Variants in LIN7C observed in about 807,000 individuals in gnomAD.
The protein encoded by LIN7C is lin-7 cell polarity scaffold C.
A neutral mutation model predicts 24.7 loss-of-function variants in LIN7C; 17 were observed. The ratio of observed to expected loss-of-function variants is 0.69; its 90% CI spans 0.47 to 1.03. The LOEUF is 1.03. Among genes scored for constraint, LIN7C ranks in the 50% least tolerant of loss-of-function variants. LIN7C has a pLI of 0.00. For synonymous variants in LIN7C, 90 were observed against 83.4 expected (o/e 1.08, Z -0.43); for missense variants, 204 against 239.0 (o/e 0.85, Z 0.97).
chr11:27,499,296 C>T lies in LIN7C; in HGVS notation c.438+63G>A, dbSNP rs541958728. On this transcript the variant is annotated intron_variant, in intron 4 of 4. Coordinates refer to ENST00000278193, the MANE Select transcript of LIN7C (RefSeq NM_018362.4). ...CAAGTTTCTTAGGTTTCTCCTATTA[C>T]TCAAATACGCCCCCAGGTGGTCACA... 5.0e-6 allele frequency: 7 copies of T among 1,391,106 alleles called. No homozygotes were observed. In the African/African-American group the frequency reaches 8.6e-5, roughly 17 times the overall value. The allele number at this position is 1,391,106 out of a possible 1,614,324, so 86.2% of individuals were successfully genotyped here.
At position 27,497,223 on chromosome 11, in the gene LIN7C, T is replaced by C. The variant is rs1865180647; in HGVS notation, c.*1426A>G. ...GATCACAAACATGCAGAAAAAAGCA[T>C]ACAATTCTATTCTTCCTGAAGGAAT... On this transcript the variant is annotated 3_prime_UTR_variant, in exon 5 of 5. Transcript: ENST00000278193. The C allele has an allele frequency of 6.6e-6, 1 of 152,592 alleles. No individual in the cohort carries two copies. Among genetic ancestry groups the C allele is most frequent in the African/African-American group, 2.4e-5 (1 of 41,474 alleles). 9.5% of individuals were successfully genotyped at this position (152,592 alleles called of 1,614,324 possible).
rs1393707713 is a variant in LIN7C at position 27,499,446 on chromosome 11, G to C, written c.351C>G (p.Ile117Met). Residue 117 changes from isoleucine (I) to methionine (M), a missense_variant, in exon 4 of 5, where the codon ATC becomes ATG. By Grantham distance (10) the Ile-to-Met change is conservative (BLOSUM62 1). Coordinates refer to ENST00000278193, the MANE Select transcript of LIN7C (RefSeq NM_018362.4). ...IMGGKEQNSP[I>M]YISRIIPGGI... Reference sequence around the variant, plus strand: ...CACCTGGAATTATTCGGGATATATAGATTGGAGAGTTTTGTTCTTTGCCTC... The same window carrying C: ...CACCTGGAATTATTCGGGATATATACATTGGAGAGTTTTGTTCTTTGCCTC... 1 of 1,614,004 alleles carries C rather than the reference G, an allele frequency of 6.2e-7. No homozygotes were observed. Among genetic ancestry groups the C allele is most frequent in the Non-Finnish European group, 8.5e-7 (1 of 1,179,998 alleles).
intron 1 of LIN7C, among the ~76,000 whole-genome samples, chr11:27,506,060 T>G (rs1050305547): frequency 6.6e-6 from 1 of 152,228 alleles, no homozygotes; most frequent in East Asian, 1.9e-4. Flanking sequence ...GCCAACCAGT[T>G]TGCAATTGTA....
chr11:27,502,747 A>G (rs760073396), intron 1 of LIN7C, among the ~76,000 whole-genome samples: 11 of 152,210 alleles, frequency 7.2e-5, no homozygotes, highest in Non-Finnish European at 2.9e-5. Context: ...TCAGTTAACA[A>G]CTGAACCACA....
At chr11:27,501,402 C>T (rs1865224644) in intron 3 of LIN7C, 93 bp downstream of exon 3, 1 of 801,978 alleles carries the variant, frequency 1.2e-6, no homozygotes, top group East Asian at 2.7e-5. Flanking sequence ...ACATGTTAGT[C>T]TTCAAAGTAA....
chr11:27,502,983 C>T (rs1411621520), intron 1 of LIN7C, among the ~76,000 whole-genome samples: 10 of 152,046 alleles, frequency 6.6e-5, no homozygotes, highest in Admixed American at 2.0e-4. Context: ...GGCATGGTGG[C>T]GGGTGCCTGT....
At position 27,506,720 on chromosome 11, in the gene LIN7C, C is replaced by A. The variant is rs769865332; in HGVS notation, c.33G>T (p.Glu11Asp). The A allele has an allele frequency of 2.5e-6, 4 of 1,614,098 alleles. No homozygotes were observed. Among genetic ancestry groups the A allele is most frequent in the Non-Finnish European group, 2.5e-6 (3 of 1,180,024 alleles). ...CCGAGCCTCGGCTGCACTCACCTCT[C>A]TCCAGCCGCACGGGTTCCCCTAGCG... MAALGEPVRL[E>D]RDICRAIELL... The change falls in exon 1 of 5, where the codon GAG becomes GAT. Residue 11 changes from glutamate (E) to aspartate (D), a missense_variant. Coordinates refer to ENST00000278193, the MANE Select transcript of LIN7C (RefSeq NM_018362.4).
In LIN7C at chr11:27,498,549, G is replaced by T; in HGVS notation, c.*100C>A. On this transcript the variant is annotated 3_prime_UTR_variant, in exon 5 of 5. Transcript: ENST00000278193. Reference sequence around the variant, plus strand: ...ACAAGGAGAATTTCATGATAAATTTGTTTGTTTTCTTACAATCATTGGCAT... The same window carrying T: ...ACAAGGAGAATTTCATGATAAATTTTTTTGTTTTCTTACAATCATTGGCAT... The T allele has an allele frequency of 9.3e-7, 1 of 1,079,228 alleles. No individual in the cohort carries two copies. The highest frequency in any genetic ancestry group is 1.4e-6 in the Non-Finnish European group (1 of 739,186). The allele number at this position is 1,079,228 out of a possible 1,614,324, so 66.9% of individuals were successfully genotyped here.
chr11:27,500,972 T>C (rs1403566577), intron 3 of LIN7C, among the ~76,000 whole-genome samples: 1 of 152,142 alleles, frequency 6.6e-6, no homozygotes, highest in African/African-American at 2.4e-5. Context: ...CTATCATGAA[T>C]AGTGAGGTCA....
intron 4 of LIN7C, among the ~76,000 whole-genome samples, chr11:27,499,094 G>T (rs988549676): frequency 8.5e-5 from 13 of 152,174 alleles, no homozygotes; most frequent in African/African-American, 3.1e-4. Flanking sequence ...CATTTTATAA[G>T]AGTAAAATGA....
In LIN7C at chr11:27,494,933, C is replaced by G. The variant is rs1303579192; in HGVS notation, c.*3716G>C. The G allele has an allele frequency of 6.6e-6, 1 of 152,550 alleles. No individual in the cohort carries two copies. The highest frequency in any genetic ancestry group is 1.5e-5 in the Non-Finnish European group (1 of 68,042). The allele number at this position is 152,550 out of a possible 1,614,324, so 9.4% of individuals were successfully genotyped here. ...TACATTTATTCAGGAAATACAATTA[C>G]TAGAATCCTTGATATTTCAATGATC... On this transcript the variant is annotated 3_prime_UTR_variant, in exon 5 of 5. Coordinates refer to ENST00000278193, the MANE Select transcript of LIN7C (RefSeq NM_018362.4).
At position 27,499,488 on chromosome 11, in the gene LIN7C, A is replaced by G. The variant is rs1337269632; in HGVS notation, c.309T>C (p.Leu103=). Residue 103 remains leucine (L), a synonymous_variant, in exon 4 of 5, where the codon CTT becomes CTC. Transcript: ENST00000278193. ...CTTTGCCTCCCATAATATTGAATCC[A>G]AGGCCCTCTTCTGTTTTTGGTAGCT... ...VVELPKTEEG[L]GFNIMGGKEQ... 1.2e-6 allele frequency: 2 copies of G among 1,614,092 alleles called. No individual in the cohort carries two copies. The highest frequency in any genetic ancestry group is 2.2e-5 in the East Asian group (1 of 44,892).
rs1466536573 is a variant in LIN7C at position 27,498,536 on chromosome 11, T to G, written c.*113A>C. 3 of 974,142 alleles carry G rather than the reference T, an allele frequency of 3.1e-6. No individual in the cohort carries two copies. The highest frequency in any genetic ancestry group is 4.6e-6 in the Non-Finnish European group (3 of 649,052). The allele number at this position is 974,142 out of a possible 1,614,324, so 60.3% of individuals were successfully genotyped here. The stretch of plus-strand genomic sequence containing the variant: ...CATTTATAAAATGACAAGGAGAATT[T>G]CATGATAAATTTGTTTGTTTTCTTA... On this transcript the variant is annotated 3_prime_UTR_variant, in exon 5 of 5. Coordinates refer to ENST00000278193, the MANE Select transcript of LIN7C (RefSeq NM_018362.4).
intron 1 of LIN7C, 140 bp from the exon 2 acceptor site, chr11:27,502,060 A>ATG (rs3215008): frequency 0.051 from 30,470 of 595,714 alleles, 2,156 homozygotes; most frequent in East Asian, 0.25. Context: ...GAATTTGCAC[A>ATG]TTTGGTGGGA....
intron 3 of LIN7C, among the ~76,000 whole-genome samples, chr11:27,500,328 TA>T (rs1865212287): frequency 6.6e-6 from 1 of 152,208 alleles, no homozygotes; most frequent in South Asian, 2.1e-4. Flanking sequence ...CCCTTATATG[TA>T]ATCATTTTGG....
intron 3 of LIN7C, among the ~76,000 whole-genome samples, chr11:27,500,196 G>A (rs6484307): frequency 0.26 from 39,505 of 151,944 alleles, 5,603 homozygotes; most frequent in African/African-American, 0.37. Flanking sequence ...TATTGTACAT[G>A]GTAAGGAGGA....
intron 1 of LIN7C, among the ~76,000 whole-genome samples, chr11:27,505,493 C>G (rs969426482): frequency 2.0e-5 from 3 of 152,192 alleles, no homozygotes; most frequent in African/African-American, 7.2e-5. Flanking sequence ...AGGCCTAACT[C>G]GGCAAGTCTT....
chr11:27,506,625 C>T, intron 1 of LIN7C, 91 bp downstream of exon 1: 10 of 1,457,894 alleles, frequency 6.9e-6, no homozygotes, highest in Non-Finnish European at 8.6e-6. Context: ...TGGCCCGGAT[C>T]TCAGAGCCTG....
chr11:27,498,525 C>T lies in LIN7C; in HGVS notation c.*124G>A. On this transcript the variant is annotated 3_prime_UTR_variant, in exon 5 of 5. Coordinates refer to ENST00000278193, the MANE Select transcript of LIN7C (RefSeq NM_018362.4). ...GTTAAAATAGGCATTTATAAAATGACAAGGAGAATTTCATGATAAATTTGT... is the reference window on the plus strand; with the variant it reads ...GTTAAAATAGGCATTTATAAAATGATAAGGAGAATTTCATGATAAATTTGT... The T allele has an allele frequency of 1.1e-6, 1 of 891,230 alleles. No homozygotes were observed. Among genetic ancestry groups the T allele is most frequent in the Non-Finnish European group, 1.7e-6 (1 of 580,494 alleles). 55.2% of individuals were successfully genotyped at this position (891,230 alleles called of 1,614,324 possible). A position where few individuals can be genotyped will look rare whatever the true frequency, so the allele number is the denominator to read the frequency against.
Sources: allele counts gnomAD v4.1 joint callset (sites outside exome capture counted in the v4.1 genomes callset), GRCh38; gene constraint gnomAD v4.1.1; transcripts MANE v1.5; gene names NCBI Gene and HGNC (gene_info 2026-07-23, HGNC 2026-07-21).